The following SHOC2 variants were observed in gnomAD, a reference collection of about 807,000 sequenced individuals.
SHOC2 encodes the protein leucine-rich repeat protein SHOC-2.
In SHOC2, 4 loss-of-function variants were observed where a neutral mutation model predicts 50.2. The ratio of observed to expected loss-of-function variants is 0.08; its 90% CI spans 0.04 to 0.18. SHOC2 has a LOEUF of 0.18. SHOC2 is among the 10% of genes least tolerant of loss of function. The probability of loss-of-function intolerance (pLI) is 1.00; values close to 1 mark genes in which losing one functional copy is unlikely to be tolerated. For missense variants in SHOC2, 388 were observed against 669.6 expected (o/e 0.58, Z 4.64); for synonymous variants, 218 against 244.5 (o/e 0.89, Z 1.01).
intron 3 of SHOC2, among the ~76,000 whole-genome samples, chr10:110,998,126 A>T (rs769653973): frequency 3.3e-5 from 5 of 151,766 alleles, no homozygotes; most frequent in African/African-American, 1.2e-4. Context: ...GAGCCTCCCA[A>T]GTAGCTGGGA....
At chr10:110,976,039 T>C (rs1847873216) in intron 2 of SHOC2, among the ~76,000 whole-genome samples, 1 of 152,106 alleles carries the variant, frequency 6.6e-6, no homozygotes, top group Admixed American at 6.5e-5. Flanking sequence ...GCCTCCCAAG[T>C]AGCTGGAATT....
At chr10:110,963,753 T>C (rs1474360305) in intron 1 of SHOC2, among the ~76,000 whole-genome samples, 1 of 152,200 alleles carries the variant, frequency 6.6e-6, no homozygotes, top group African/African-American at 2.4e-5. Flanking sequence ...GGGATAACAA[T>C]GTATCTCATA....
intron 4 of SHOC2, among the ~76,000 whole-genome samples, chr10:111,004,300 A>G (rs925219073): frequency 6.6e-6 from 1 of 152,206 alleles, no homozygotes; most frequent in Non-Finnish European, 1.5e-5. Context: ...ACACACAGAC[A>G]TGTTTTCCTT....
At chr10:111,009,968 A>G in intron 8 of SHOC2, 138 bp downstream of exon 8, 4 of 620,618 alleles carry the variant, frequency 6.4e-6, no homozygotes, top group Non-Finnish European at 1.2e-5. Context: ...TTTTTAATAG[A>G]GCACCGATGG....
chr10:110,965,022 A>G lies in SHOC2; in HGVS notation c.664A>G (p.Ile222Val). The change falls in exon 2 of 9, where the codon ATT becomes GTT. Residue 222 changes from isoleucine to valine, a missense_variant. Coordinates refer to ENST00000369452, the MANE Select transcript of SHOC2 (RefSeq NM_007373.4). ...CTTGTCAAAACTCAGCATGCTTAGC[A>G]TTCGAGAGAACAAAATTAAACAACT... The part of the protein sequence containing the change: ...KNLSKLSMLS[I>V]RENKIKQLPA... 2 of 1,613,906 alleles carry G rather than the reference A, an allele frequency of 1.2e-6. No individual in the cohort carries two copies. The highest frequency in any genetic ancestry group is 1.7e-6 in the Non-Finnish European group (2 of 1,179,868).
At chr10:110,922,550 T>A (rs752081404) in intron 1 of SHOC2, among the ~76,000 whole-genome samples, 2 of 152,068 alleles carry the variant, frequency 1.3e-5, no homozygotes, top group South Asian at 2.1e-4. Context: ...AGGATGCATA[T>A]TTTTGGAGGC....
chr10:111,007,607 A>G lies in SHOC2; in HGVS notation c.1238A>G (p.Gln413Arg). The G allele has an allele frequency of 6.2e-7, 1 of 1,613,804 alleles. No homozygotes were observed. Among genetic ancestry groups the G allele is most frequent in the Non-Finnish European group, 8.5e-7 (1 of 1,179,768 alleles). The change falls in exon 6 of 9, where the codon CAG becomes CGG. Residue 413 changes from glutamine (Q) to arginine (R), a missense_variant. This residue lies in a region of SHOC2 where 130 missense variants were observed against 208.6 expected (regional missense o/e 0.62). Transcript: ENST00000369452. Reference sequence around the variant, plus strand: ...GTAGAATTGAATTTAGCCACTAATCAGCTCACAAAGATCCCTGAGGATGTG... The same window carrying G: ...GTAGAATTGAATTTAGCCACTAATCGGCTCACAAAGATCCCTGAGGATGTG... ...SMVELNLATN[Q>R]LTKIPEDVSG...
intron 1 of SHOC2, among the ~76,000 whole-genome samples, chr10:110,929,733 C>A (rs996970770): frequency 6.6e-6 from 1 of 152,172 alleles, no homozygotes; most frequent in Non-Finnish European, 1.5e-5. Flanking sequence ...ACCCTTGTGA[C>A]CTCATCTAAA....
chr10:110,998,606 A>T (rs1169270507), intron 3 of SHOC2, among the ~76,000 whole-genome samples: 1 of 152,214 alleles, frequency 6.6e-6, no homozygotes, highest in Non-Finnish European at 1.5e-5. Context: ...CCCAGTTTCC[A>T]AACACTATTG....
chr10:110,972,204 CTTTAT>C (rs1474604155), intron 2 of SHOC2, among the ~76,000 whole-genome samples: 1 of 151,056 alleles, frequency 6.6e-6, no homozygotes, highest in Non-Finnish European at 1.5e-5. Flanking sequence ...GTATTATATA[CTTTAT>C]TTTAGTACAG....
intron 1 of SHOC2, among the ~76,000 whole-genome samples, chr10:110,962,744 T>A (rs1260490785): frequency 6.6e-6 from 1 of 152,202 alleles, no homozygotes; most frequent in African/African-American, 2.4e-5. Flanking sequence ...CACCCACCTG[T>A]AATGCTTTGC....
chr10:110,940,910 G>GTTTTTTTTCTTTTTTTTTT, intron 1 of SHOC2, among the ~76,000 whole-genome samples: 1 of 119,504 alleles, frequency 8.4e-6, no homozygotes, highest in Non-Finnish European at 1.7e-5. Context: ...TTTGTGGTGG[G>GTTTTTTTTCTTTTTTTTTT]TTTTTTTTTT....
chr10:110,990,152 A>G (rs1848154406), intron 3 of SHOC2, among the ~76,000 whole-genome samples: 1 of 152,294 alleles, frequency 6.6e-6, no homozygotes, highest in Non-Finnish European at 1.5e-5. Context: ...AGGCGAGCGC[A>G]TGGCGCGGGA....
At chr10:110,947,965 A>G (rs550320743) in intron 1 of SHOC2, among the ~76,000 whole-genome samples, 10 of 152,306 alleles carry the variant, frequency 6.6e-5, no homozygotes, top group African/African-American at 2.4e-4. Flanking sequence ...ATCCTACAGT[A>G]TTATGCCTAA....
At chr10:110,970,049 C>T (rs1186041515) in intron 2 of SHOC2, among the ~76,000 whole-genome samples, 1 of 152,134 alleles carries the variant, frequency 6.6e-6, no homozygotes, top group African/African-American at 2.4e-5. Context: ...CATTCAAAAT[C>T]CTCCCTACTA....
chr10:110,986,334 C>A (rs1456286082), intron 3 of SHOC2, among the ~76,000 whole-genome samples: 1 of 151,900 alleles, frequency 6.6e-6, no homozygotes, highest in African/African-American at 2.4e-5. Context: ...TAAATTTATA[C>A]CAGTAAAGTG....
At position 110,964,261 on chromosome 10, in the gene SHOC2, C is replaced by T. The variant is rs1847628068; in HGVS notation, c.-98C>T. 6.5e-7 allele frequency: 1 copy of T among 1,529,222 alleles called. No homozygotes were observed. Among genetic ancestry groups the T allele is most frequent in the East Asian group, 2.4e-5 (1 of 40,990 alleles). 94.7% of individuals were successfully genotyped at this position (1,529,222 alleles called of 1,614,324 possible). A position where few individuals can be genotyped will look rare whatever the true frequency, so the allele number is the denominator to read the frequency against. ...TGCTGATTACTTCTTCAAGCCAGTACTTTTTTGATTGTGTAGGATCTTTGT... is the reference window on the plus strand; with the variant it reads ...TGCTGATTACTTCTTCAAGCCAGTATTTTTTTGATTGTGTAGGATCTTTGT... On this transcript the variant is annotated 5_prime_UTR_variant, in exon 2 of 9. Transcript: ENST00000369452. This position sits in a 1 kb window ranked among gnomAD's most constrained non-coding sequence, Gnocchi z 4.9.
At chr10:111,005,507 T>C (rs1272865447) in intron 5 of SHOC2, among the ~76,000 whole-genome samples, 1 of 152,206 alleles carries the variant, frequency 6.6e-6, no homozygotes, top group Non-Finnish European at 1.5e-5. Flanking sequence ...AGTTAAAGCA[T>C]GTAAAAAATC....
In SHOC2 at chr10:111,013,544, A is replaced by G. The variant is rs1848607415; in HGVS notation, c.*1726A>G. 1.3e-5 allele frequency: 2 copies of G among 152,026 alleles called. No individual in the cohort carries two copies. 9.4% of individuals were successfully genotyped at this position (152,026 alleles called of 1,614,324 possible). A position where few individuals can be genotyped will look rare whatever the true frequency, so the allele number is the denominator to read the frequency against. The stretch of plus-strand genomic sequence containing the variant: ...GAATGCTTAAATGTGCTGTAAAACT[A>G]TTGTAGATGTCACTGGATTTTACCA... On this transcript the variant is annotated 3_prime_UTR_variant, in exon 9 of 9. Transcript: ENST00000369452.
Sources: allele counts gnomAD v4.1 joint callset (sites outside exome capture counted in the v4.1 genomes callset), GRCh38; gene constraint gnomAD v4.1.1; regional missense constraint gnomAD v4.1.1; non-coding constraint Gnocchi (gnomAD v3.1); transcripts MANE v1.5; gene names NCBI Gene and HGNC (gene_info 2026-07-23, HGNC 2026-07-21).